Variants in RNF220 observed in about 807,000 individuals in gnomAD.
RNF220 encodes ring finger protein 220, also known as E3 ubiquitin-protein ligase RNF220.
RNF220 carries 7 observed loss-of-function variants against 67.1 expected under a neutral mutation model. The ratio of observed to expected loss-of-function variants is 0.10; its 90% CI spans 0.06 to 0.20. RNF220 has a LOEUF of 0.20. Among genes scored for constraint, RNF220 ranks in the 10% least tolerant of loss-of-function variants. The pLI is 1.00. For synonymous variants in RNF220, 270 were observed against 283.2 expected (o/e 0.95, Z 0.47); for missense variants, 565 against 740.3 (o/e 0.76, Z 2.75).
intron 2 of RNF220, among the ~76,000 whole-genome samples, chr1:44,598,056 G>A (rs1296104396): frequency 2.2e-5 from 3 of 134,460 alleles, no homozygotes; most frequent in African/African-American, 8.5e-5. Flanking sequence ...CCCCCTGCCC[G>A]CCCCCTCCAA....
intron 2 of RNF220, among the ~76,000 whole-genome samples, chr1:44,416,747 C>T (rs1342991372): frequency 6.6e-6 from 1 of 152,224 alleles, no homozygotes; most frequent in Non-Finnish European, 1.5e-5. Context: ...TTGACCTTCA[C>T]TGTGGTCGGG....
At chr1:44,547,002 A>G (rs1377522010) in intron 2 of RNF220, among the ~76,000 whole-genome samples, 1 of 152,224 alleles carries the variant, frequency 6.6e-6, no homozygotes, top group Non-Finnish European at 1.5e-5. Context: ...CAGGGCAGAA[A>G]GAAGGGAGAA....
intron 3 of RNF220, among the ~76,000 whole-genome samples, chr1:44,620,575 T>C (rs535368817): frequency 7.3e-4 from 111 of 152,376 alleles, no homozygotes; most frequent in African/African-American, 2.5e-3. Flanking sequence ...CCCCAGTGCC[T>C]ACATCAGGGC....
intron 2 of RNF220, among the ~76,000 whole-genome samples, chr1:44,481,154 G>A (rs1351895319): frequency 9.9e-5 from 15 of 152,184 alleles, no homozygotes; most frequent in Non-Finnish European, 1.9e-4. Context: ...TGAGCGTGGT[G>A]GCATACGCCT....
intron 2 of RNF220, among the ~76,000 whole-genome samples, chr1:44,543,951 C>G (rs1028550353): frequency 6.6e-6 from 1 of 152,144 alleles, no homozygotes; most frequent in South Asian, 2.1e-4. Context: ...AGCCTGGGCC[C>G]GGGGTGAGAA....
chr1:44,423,839 G>A (rs1572452378), intron 2 of RNF220: 1 of 985,342 alleles, frequency 1.0e-6, no homozygotes, highest in Non-Finnish European at 1.2e-6. Context: ...TGACTTTCGC[G>A]AGGGAGGTTA....
At chr1:44,589,247 T>A (rs951046272) in intron 2 of RNF220, among the ~76,000 whole-genome samples, 1 of 152,212 alleles carries the variant, frequency 6.6e-6, no homozygotes, top group Non-Finnish European at 1.5e-5. Context: ...ATTTCCCAGC[T>A]GTGTGACCTT....
chr1:44,520,118 T>TGA (rs1439743734), intron 2 of RNF220, among the ~76,000 whole-genome samples: 9 of 141,554 alleles, frequency 6.4e-5, no homozygotes, highest in African/African-American at 2.4e-4. Context: ...TGTGTGTGTG[T>TGA]GTGTGTGTGT....
chr1:44,568,757 C>G (rs1050859323), intron 2 of RNF220, among the ~76,000 whole-genome samples: 1 of 152,192 alleles, frequency 6.6e-6, no homozygotes, highest in Non-Finnish European at 1.5e-5. Context: ...GGAGTCCGAG[C>G]TCCCCCACCA....
At chr1:44,557,178 A>T (rs1375903484) in intron 2 of RNF220, among the ~76,000 whole-genome samples, 3 of 143,338 alleles carry the variant, frequency 2.1e-5, no homozygotes, top group African/African-American at 8.0e-5. Context: ...TGTATATATT[A>T]ATATATAATA....
chr1:44,650,530 C>T lies in RNF220; in HGVS notation c.1630-174C>T. On this transcript the variant is annotated intron_variant, in intron 14 of 14. Transcript: ENST00000361799. The surrounding 1 kb of genome is among the most constrained non-coding windows in gnomAD (Gnocchi z 4.3). ...CGGTTTGATCCTGGCGTCCCCCCAA[C>T]ACAGGAGCGTGCCTGCCTGCTCACA... 3.1e-6 allele frequency: 2 copies of T among 653,748 alleles called. No homozygotes were observed. The highest frequency in any genetic ancestry group is 5.4e-6 in the Non-Finnish European group (2 of 369,270). The allele number at this position is 653,748 out of a possible 1,614,324, so 40.5% of individuals were successfully genotyped here.
intron 2 of RNF220, among the ~76,000 whole-genome samples, chr1:44,568,624 C>A (rs2148311324): frequency 6.6e-6 from 1 of 152,308 alleles, no homozygotes; most frequent in African/African-American, 2.4e-5. Context: ...CTCTGTAGTC[C>A]TTGCCCTCCT....
At position 44,606,230 on chromosome 1, in the gene RNF220, T is replaced by C. The variant is rs1208863393; in HGVS notation, c.626-7935T>C. 7.9e-5 allele frequency among the ~76,000 whole-genome samples: 12 copies of C among 152,238 alleles called. No individual in the cohort carries two copies. Among genetic ancestry groups the C allele is most frequent in the African/African-American group, 2.7e-4 (11 of 41,472 alleles). ...GAGACTGGGGAATGCCAATATACGA[T>C]GACAGATCACATATTGATGAAATCC... On this transcript the variant is annotated intron_variant, in intron 2 of 14. Transcript: ENST00000361799. This position sits in a 1 kb window ranked among gnomAD's most constrained non-coding sequence, Gnocchi z 4.2.
intron 2 of RNF220, among the ~76,000 whole-genome samples, chr1:44,449,895 A>T (rs1032203464): frequency 1.2e-4 from 18 of 152,338 alleles, no homozygotes; most frequent in African/African-American, 4.1e-4. Context: ...CGTAACGGAG[A>T]TACAGAAAGT....
At chr1:44,527,238 A>C (rs1263199722) in intron 2 of RNF220, among the ~76,000 whole-genome samples, 1 of 151,992 alleles carries the variant, frequency 6.6e-6, no homozygotes, top group African/African-American at 2.4e-5. Context: ...TGACATCATT[A>C]TATTCTTCCA....
intron 2 of RNF220, among the ~76,000 whole-genome samples, chr1:44,426,807 A>G (rs1454488810): frequency 1.3e-5 from 2 of 152,128 alleles, no homozygotes; most frequent in Non-Finnish European, 2.9e-5. Context: ...TTAATAGACC[A>G]GTAACAAGCA....
chr1:44,529,610 A>C (rs1048753034), intron 2 of RNF220, among the ~76,000 whole-genome samples: 3 of 152,108 alleles, frequency 2.0e-5, no homozygotes, highest in African/African-American at 7.2e-5. Flanking sequence ...TCCTGGCCTC[A>C]AGTAATCCAC....
intron 3 of RNF220, among the ~76,000 whole-genome samples, chr1:44,616,698 C>G (rs900263817): frequency 2.6e-5 from 4 of 152,026 alleles, no homozygotes; most frequent in African/African-American, 9.7e-5. Flanking sequence ...CAGGAGGAGT[C>G]CTGTGTAATT....
At chr1:44,487,547 C>T (rs1010885919) in intron 2 of RNF220, among the ~76,000 whole-genome samples, 113 of 149,728 alleles carry the variant, frequency 7.5e-4, no homozygotes, top group African/African-American at 2.6e-3. Flanking sequence ...AAAGTAGGGA[C>T]GTGGGCCGAG....
Sources: allele counts gnomAD v4.1 joint callset (sites outside exome capture counted in the v4.1 genomes callset), GRCh38; gene constraint gnomAD v4.1.1; non-coding constraint Gnocchi (gnomAD v3.1); transcripts MANE v1.5; gene names NCBI Gene and HGNC (gene_info 2026-07-23, HGNC 2026-07-21).